Variants in ZSCAN18 observed in about 807,000 individuals in gnomAD.
ZSCAN18 encodes zinc finger and SCAN domain-containing protein 18.
In ZSCAN18, 16 loss-of-function variants were observed where a neutral mutation model predicts 31.1. The ratio of observed to expected loss-of-function variants is 0.51; its 90% CI spans 0.35 to 0.78. The LOEUF is 0.78. ZSCAN18 is among the 30% of genes least tolerant of loss of function. The probability of loss-of-function intolerance (pLI) is 0.01; values close to 1 mark genes in which losing one functional copy is unlikely to be tolerated. For missense variants in ZSCAN18, 731 were observed against 697.4 expected (o/e 1.05, Z -0.54); for synonymous variants, 375 against 320.7 (o/e 1.17, Z -1.81).
At position 58,096,041 on chromosome 19, in the gene ZSCAN18, C is replaced by G. The variant is rs570238037; in HGVS notation, c.-120+2133G>C. Reference sequence around the variant, plus strand: ...TGTGTCTTCTTGCCTCCTTCAGCCCCATTCCTGGCCACACTGTCAAGAGGA... The same window carrying G: ...TGTGTCTTCTTGCCTCCTTCAGCCCGATTCCTGGCCACACTGTCAAGAGGA... On this transcript the variant is annotated intron_variant, in intron 1 of 6. Transcript: ENST00000601144. Among the ~76,000 whole-genome samples, 19 of 152,300 alleles carry G rather than the reference C, an allele frequency of 1.2e-4. 1 individual carries two copies. In the East Asian group the frequency reaches 3.7e-3, roughly 29 times the overall value.
intron 1 of ZSCAN18, among the ~76,000 whole-genome samples, chr19:58,097,116 G>C (rs1009074679): frequency 8.5e-5 from 13 of 152,152 alleles, no homozygotes; most frequent in African/African-American, 3.1e-4. Flanking sequence ...GAACCGAGGA[G>C]GTGACATGGA....
At chr19:58,108,862 T>A in intron 1 of ZSCAN18, 1 of 999,472 alleles carries the variant, frequency 1.0e-6, no homozygotes, top group Non-Finnish European at 1.2e-6. Flanking sequence ...CCTTGTTAGA[T>A]CTTCATCAAG....
chr19:58,090,056 T>A lies in ZSCAN18; in HGVS notation c.212A>T (p.His71Leu), dbSNP rs1206925326. 1 of 1,613,902 alleles carries A rather than the reference T, an allele frequency of 6.2e-7. No individual in the cohort carries two copies. Among genetic ancestry groups the A allele is most frequent in the Non-Finnish European group, 8.5e-7 (1 of 1,179,996 alleles). Residue 71 changes from histidine to leucine, a missense_variant, in exon 2 of 7, where the codon CAT becomes CTT. By Grantham distance (99) the His-to-Leu change is moderately conservative. Transcript: ENST00000601144. This position sits in a 1 kb window ranked among gnomAD's most constrained non-coding sequence, Gnocchi z 4.7. ...CATCAGCCACTGGCGGCACAGCTCA[T>A]GCAGCCGGGCCAGGGTCTGGTGGGG... Reference protein sequence around the residue: ...AGPHQTLARLHELCRQWLMPE... With the variant: ...AGPHQTLARLLELCRQWLMPE...
At chr19:58,107,434 G>A (rs2074643633) in intron 1 of ZSCAN18, among the ~76,000 whole-genome samples, 1 of 152,064 alleles carries the variant, frequency 6.6e-6, no homozygotes, top group Non-Finnish European at 1.5e-5. Flanking sequence ...GTGGGTACCT[G>A]TAATCCCAGC....
chr19:58,084,651 A>G lies in ZSCAN18; in HGVS notation c.*34T>C. 6.9e-7 allele frequency: 1 copy of G among 1,439,284 alleles called. No individual in the cohort carries two copies. The highest frequency in any genetic ancestry group is 2.6e-5 in the East Asian group (1 of 39,152). 89.2% of individuals were successfully genotyped at this position (1,439,284 alleles called of 1,614,324 possible). Reference sequence around the variant, plus strand: ...CCTCGTCTGGGATTCACGGCCGGCAAAGCGGCCCCTCCGGAACGGGACAGC... The same window carrying G: ...CCTCGTCTGGGATTCACGGCCGGCAGAGCGGCCCCTCCGGAACGGGACAGC... On this transcript the variant is annotated 3_prime_UTR_variant, in exon 7 of 7. Coordinates refer to ENST00000601144, the MANE Select transcript of ZSCAN18 (RefSeq NM_001145543.2). This position sits in a 1 kb window ranked among gnomAD's most constrained non-coding sequence, Gnocchi z 4.5.
intron 3 of ZSCAN18, 76 bp from the exon 4 acceptor site, chr19:58,087,480 G>T: frequency 7.5e-7 from 1 of 1,329,622 alleles, no homozygotes; most frequent in Non-Finnish European, 1.0e-6. Context: ...AGGAGCCCCC[G>T]CTGCCTCCCA....
At chr19:58,113,365 G>A (rs10402307) in intron 1 of ZSCAN18, among the ~76,000 whole-genome samples, 28,189 of 151,872 alleles carry the variant, frequency 0.19, 2,953 homozygotes, top group Non-Finnish European at 0.24. Flanking sequence ...TCTGCATTAG[G>A]ATAACACAGA....
chr19:58,102,148 G>C (rs1264477060), upstream of ZSCAN18, among the ~76,000 whole-genome samples: 3 of 151,944 alleles, frequency 2.0e-5, no homozygotes, highest in Non-Finnish European at 2.9e-5. Context: ...TCCCTGTTTA[G>C]GCAGCTTACT....
At chr19:58,089,454 T>C (rs997723164) in intron 2 of ZSCAN18, among the ~76,000 whole-genome samples, 14 of 150,890 alleles carry the variant, frequency 9.3e-5, no homozygotes, top group Admixed American at 7.9e-4. Context: ...GGTGAAACCC[T>C]GTCTTTACTA....
chr19:58,101,510 TATC>T (rs1568641442), upstream of ZSCAN18, among the ~76,000 whole-genome samples: 14 of 96,292 alleles, frequency 1.5e-4, no homozygotes, highest in African/African-American at 4.6e-4. Context: ...CCATATACTT[TATC>T]TTCTTCTTTT....
chr19:58,084,057 C>G lies in ZSCAN18; in HGVS notation c.*628G>C, dbSNP rs1049104243. 4 of 152,206 alleles carry G rather than the reference C, an allele frequency of 2.6e-5. No homozygotes were observed. The highest frequency in any genetic ancestry group is 2.0e-4 in the Admixed American group (3 of 15,276). 9.4% of individuals were successfully genotyped at this position (152,206 alleles called of 1,614,324 possible). On this transcript the variant is annotated 3_prime_UTR_variant, in exon 7 of 7. Coordinates refer to ENST00000601144, the MANE Select transcript of ZSCAN18 (RefSeq NM_001145543.2). This position sits in a 1 kb window ranked among gnomAD's most constrained non-coding sequence, Gnocchi z 4.5. The stretch of plus-strand genomic sequence containing the variant: ...TATTCTGCTTCATTGCTGTGTAATG[C>G]TGGTGACCACTTGCTAATTGATTTC...
At chr19:58,089,302 C>CAAAAAAA (rs374086957) in intron 2 of ZSCAN18, among the ~76,000 whole-genome samples, 3 of 45,292 alleles carry the variant, frequency 6.6e-5, no homozygotes, top group African/African-American at 1.7e-4. Context: ...GACTCCGTCT[C>CAAAAAAA]AAAAAAAAAA....
At chr19:58,118,379 C>G in exon 1 of ZSCAN18, 3 of 1,531,002 alleles carry the variant, frequency 2.0e-6, no homozygotes, top group South Asian at 2.4e-5. Context: ...CGTCAGCTCG[C>G]CCTCCGACTC....
At chr19:58,109,629 G>A (rs1378904095) in intron 1 of ZSCAN18, among the ~76,000 whole-genome samples, 1 of 152,060 alleles carries the variant, frequency 6.6e-6, no homozygotes, top group Non-Finnish European at 1.5e-5. Flanking sequence ...AAAAATATGG[G>A]TACATTTCTC....
chr19:58,101,517 TTC>T (rs1342918334), upstream of ZSCAN18, among the ~76,000 whole-genome samples: 322 of 24,800 alleles, frequency 0.013, 2 homozygotes, highest in Middle Eastern at 0.062. Context: ...CTTTATCTTC[TTC>T]TTTTTTTTTT....
chr19:58,105,786 C>A (rs1012202991), intron 1 of ZSCAN18, among the ~76,000 whole-genome samples: 2 of 152,060 alleles, frequency 1.3e-5, no homozygotes, highest in African/African-American at 4.8e-5. Context: ...TTAAGACTAG[C>A]CTGGCCAACA....
Position 58,085,348 on chromosome 19 carries a change from G to A in ZSCAN18, c.870C>T (p.Cys290=), listed in dbSNP as rs1445743648. 5 of 1,592,134 alleles carry A rather than the reference G, an allele frequency of 3.1e-6. No homozygotes were observed. Among genetic ancestry groups the A allele is most frequent in the African/African-American group, 1.3e-5 (1 of 74,680 alleles). Residue 290 remains cysteine (C), a synonymous_variant, in exon 7 of 7, where the codon TGC becomes TGT. Coordinates refer to ENST00000601144, the MANE Select transcript of ZSCAN18 (RefSeq NM_001145543.2). ...CCGCGGGGGCGGCCTCCTCGCAGGC[G>A]CACCCAGCGCTCTCCTGCCGCCTCC... ...EGGRRQESAG[C]ACEEAAPAGV...
At chr19:58,091,223 G>A (rs547874260) in intron 1 of ZSCAN18, among the ~76,000 whole-genome samples, 1 of 147,786 alleles carries the variant, frequency 6.8e-6, no homozygotes, top group East Asian at 2.0e-4. Context: ...AGCCGAGACT[G>A]CGTCACTGCA....
At chr19:58,098,291 G>T, upstream of ZSCAN18, 1 of 985,442 alleles carries the variant, frequency 1.0e-6, no homozygotes, top group Non-Finnish European at 1.2e-6. Flanking sequence ...CCACAATGCC[G>T]CGAGGCTGTG....
Sources: gnomAD v4.1 joint callset for allele counts (sites outside exome capture counted in the v4.1 genomes callset) on GRCh38, gnomAD v4.1.1 for gene constraint, Gnocchi (gnomAD v3.1) non-coding constraint, MANE v1.5 for transcripts, NCBI Gene and HGNC (gene_info 2026-07-23, HGNC 2026-07-21) for gene names.